Variants in E2F2 observed in about 807,000 individuals in gnomAD.
The protein encoded by E2F2 is E2F transcription factor 2.
A neutral mutation model predicts 42.2 loss-of-function variants in E2F2; 22 were observed. The ratio of observed to expected loss-of-function variants is 0.52; its 90% CI spans 0.37 to 0.74. The LOEUF is 0.74. Among genes scored for constraint, E2F2 ranks in the 30% least tolerant of loss-of-function variants. The pLI is 0.00. For synonymous variants in E2F2, 248 were observed against 251.6 expected (o/e 0.99, Z 0.13); for missense variants, 481 against 557.8 (o/e 0.86, Z 1.39).
rs778116310 is a variant in E2F2 at position 23,520,949 on chromosome 1, C to T, written c.701G>A (p.Ser234Asn). ...CTTGTCCTCAGTCAGGTGCTTGAAG[C>T]TCAGAGAGCAGCTCTGGATGAGCTG... ...LDQLIQSCSL[S>N]FKHLTEDKAN... Residue 234 changes from serine (S) to asparagine (N), a missense_variant, in exon 4 of 7, where the codon AGC (serine) becomes AAC (asparagine). Physicochemically the swap from Ser to Asn is conservative, Grantham distance 46 (BLOSUM62 1). Transcript: ENST00000361729. 1 of 1,609,014 alleles carries T rather than the reference C, an allele frequency of 6.2e-7. No homozygotes were observed. The highest frequency in any genetic ancestry group is 8.5e-7 in the Non-Finnish European group (1 of 1,177,650).
In E2F2 at chr1:23,520,898, A is replaced by C; in HGVS notation, c.737+15T>G. On this transcript the variant is annotated intron_variant, in intron 4 of 6. Coordinates refer to ENST00000361729, the MANE Select transcript of E2F2 (RefSeq NM_004091.4). ...TTCCTGCTCCCTGACACCTTCCCCC[A>C]ACCAAGGAGGATATCTCTTGTTGGC... 1 of 1,550,786 alleles carries C rather than the reference A, an allele frequency of 6.4e-7. No individual in the cohort carries two copies. Among genetic ancestry groups the C allele is most frequent in the East Asian group, 2.4e-5 (1 of 40,986 alleles).
chr1:23,527,776 G>A (rs1377987603), intron 1 of E2F2, among the ~76,000 whole-genome samples: 1 of 152,216 alleles, frequency 6.6e-6, no homozygotes, highest in East Asian at 1.9e-4. Flanking sequence ...GACCTGCCTT[G>A]TAGAGTTGTG....
rs776779459 is a variant in E2F2 at position 23,521,826 on chromosome 1, C to T, written c.578+11G>A. On this transcript the variant is annotated intron_variant, in intron 3 of 6. Coordinates refer to ENST00000361729, the MANE Select transcript of E2F2 (RefSeq NM_004091.4). ...CCATTGGAGGGTACCACTGGCCGCC[C>T]AGGCACTCACACCCACTGGATGTTG... The T allele has an allele frequency of 7.4e-6, 12 of 1,613,372 alleles. No homozygotes were observed. The highest frequency in any genetic ancestry group is 8.5e-6 in the Non-Finnish European group (10 of 1,179,926).
intron 1 of E2F2, among the ~76,000 whole-genome samples, chr1:23,529,289 A>G (rs1643299446): frequency 6.6e-6 from 1 of 152,212 alleles, no homozygotes; most frequent in Admixed American, 6.5e-5. Flanking sequence ...AAATGGGGAT[A>G]ATACCATTCC....
chr1:23,524,098 C>CAAAA (rs1243545997), intron 2 of E2F2, among the ~76,000 whole-genome samples: 33 of 128,648 alleles, frequency 2.6e-4, no homozygotes, highest in African/African-American at 1.0e-3. Flanking sequence ...ACAACAACAA[C>CAAAA]AACAACAAAA....
Position 23,530,988 on chromosome 1 carries a change from C to T in E2F2, c.-195G>A. 1 of 576,250 alleles carries T rather than the reference C, an allele frequency of 1.7e-6. No individual in the cohort carries two copies. The allele number at this position is 576,250 out of a possible 1,614,324, so 35.7% of individuals were successfully genotyped here. On this transcript the variant is annotated 5_prime_UTR_variant, in exon 1 of 7. Coordinates refer to ENST00000361729, the MANE Select transcript of E2F2 (RefSeq NM_004091.4). This position sits in a 1 kb window ranked among gnomAD's most constrained non-coding sequence, Gnocchi z 4.4. Reference sequence around the variant, plus strand: ...AGCAGAGAGCAGCGCTTAGAGATCGCCGCTTGGAGATCGCCCGGCGGCTGC... The same window carrying T: ...AGCAGAGAGCAGCGCTTAGAGATCGTCGCTTGGAGATCGCCCGGCGGCTGC...
rs368389729 is a variant in E2F2, at chr1:23,527,177, C to A, written c.253-2689G>T. The stretch of plus-strand genomic sequence containing the variant: ...GACGTCAAGTCACCTATAAAATGGG[C>A]ATCATTGTCTCCACCTATGCTGAGG... On this transcript the variant is annotated intron_variant, in intron 1 of 6. Transcript: ENST00000361729. 1.2e-4 allele frequency among the ~76,000 whole-genome samples: 19 copies of A among 152,350 alleles called. No individual in the cohort carries two copies. In the South Asian group the frequency reaches 3.9e-3, roughly 32 times the overall value.
rs1456711023 is a variant in E2F2 at position 23,510,030 on chromosome 1, C to G, written c.1164G>C (p.Gln388His). Reference sequence around the variant, plus strand: ...TGCACGCCAGGGTCGGGGACAGGAACTGGTCCTCAGTCTGCTGCAGGAGTG... The same window carrying G: ...TGCACGCCAGGGTCGGGGACAGGAAGTGGTCCTCAGTCTGCTGCAGGAGTG... Reference protein sequence around the residue: ...PHPLLQQTEDQFLSPTLACSS... With the variant: ...PHPLLQQTEDHFLSPTLACSS... Residue 388 changes from glutamine (Q) to histidine (H), a missense_variant, in exon 7 of 7, where the codon CAG becomes CAC. By Grantham distance (24) the Gln-to-His change is conservative. Transcript: ENST00000361729. 1 of 1,613,430 alleles carries G rather than the reference C, an allele frequency of 6.2e-7. No homozygotes were observed. Among genetic ancestry groups the G allele is most frequent in the East Asian group, 2.2e-5 (1 of 44,866 alleles).
In E2F2 at chr1:23,530,437, C is replaced by T. The variant is rs1414668253; in HGVS notation, c.252+105G>A. Reference sequence around the variant, plus strand: ...AAACTGAAAGCTCATCTTCCCTCTTCCCAAAACTCTACCTGCTCCACTCAA... The same window carrying T: ...AAACTGAAAGCTCATCTTCCCTCTTTCCAAAACTCTACCTGCTCCACTCAA... On this transcript the variant is annotated intron_variant, in intron 1 of 6. Coordinates refer to ENST00000361729, the MANE Select transcript of E2F2 (RefSeq NM_004091.4). The surrounding 1 kb of genome is among the most constrained non-coding windows in gnomAD (Gnocchi z 4.4). 2.0e-6 allele frequency: 3 copies of T among 1,465,230 alleles called. No individual in the cohort carries two copies. Among genetic ancestry groups the T allele is most frequent in the Non-Finnish European group, 2.7e-6 (3 of 1,101,760 alleles). The allele number at this position is 1,465,230 out of a possible 1,614,324, so 90.8% of individuals were successfully genotyped here.
chr1:23,527,155 G>A (rs559292979), intron 1 of E2F2, among the ~76,000 whole-genome samples: 3 of 152,328 alleles, frequency 2.0e-5, no homozygotes, highest in Non-Finnish European at 2.9e-5. Flanking sequence ...ATCAGTTGAC[G>A]TCAAGTCACC....
At chr1:23,518,815 G>T (rs560489899) in intron 5 of E2F2, among the ~76,000 whole-genome samples, 1 of 152,282 alleles carries the variant, frequency 6.6e-6, no homozygotes, top group East Asian at 1.9e-4. Context: ...ATTTTCTCAG[G>T]CCACTACTCA....
At chr1:23,521,479 T>C (rs2038026) in intron 3 of E2F2, 479,288 of 920,448 alleles carry the variant, frequency 0.52, 129,964 homozygotes, top group East Asian at 0.84. Context: ...TCCCCCTACT[T>C]AGCTCCCAGG....
intron 6 of E2F2, among the ~76,000 whole-genome samples, chr1:23,515,845 C>T (rs145207541): frequency 5.9e-5 from 9 of 152,212 alleles, no homozygotes; most frequent in African/African-American, 1.9e-4. Flanking sequence ...GGACTACAGG[C>T]GTGTGCCACC....
chr1:23,517,016 A>G (rs1179928862), intron 5 of E2F2, among the ~76,000 whole-genome samples: 2 of 152,168 alleles, frequency 1.3e-5, no homozygotes, highest in Non-Finnish European at 2.9e-5. Flanking sequence ...TACCACCACA[A>G]GGAGAGAGCC....
Position 23,509,860 on chromosome 1 carries a change from C to T in E2F2, c.*20G>A, listed in dbSNP as rs1642872676. The T allele has an allele frequency of 1.3e-6, 2 of 1,521,978 alleles. No individual in the cohort carries two copies. The highest frequency in any genetic ancestry group is 2.8e-5 in the African/African-American group (2 of 72,104). The allele number at this position is 1,521,978 out of a possible 1,614,324, so 94.3% of individuals were successfully genotyped here. A position where few individuals can be genotyped will look rare whatever the true frequency, so the allele number is the denominator to read the frequency against. ...AGGAGGTAGAGTCGGGGGCAGGCTG[C>T]TGGGGGCAGGCAGGGCCACTCAATT... On this transcript the variant is annotated 3_prime_UTR_variant, in exon 7 of 7. Transcript: ENST00000361729.
In E2F2 at chr1:23,508,000, C is replaced by G. The variant is rs1251499640; in HGVS notation, c.*1880G>C. The stretch of plus-strand genomic sequence containing the variant: ...CAGCCCACTCACCACAAACGAGATC[C>G]TACACAGGGTCCCTGAGCATGCTGG... On this transcript the variant is annotated 3_prime_UTR_variant, in exon 7 of 7. Transcript: ENST00000361729. The G allele has an allele frequency of 3.3e-5, 5 of 152,080 alleles. No individual in the cohort carries two copies. The highest frequency in any genetic ancestry group is 4.8e-5 in the African/African-American group (2 of 41,370). 9.4% of individuals were successfully genotyped at this position (152,080 alleles called of 1,614,324 possible). A position where few individuals can be genotyped will look rare whatever the true frequency, so the allele number is the denominator to read the frequency against.
Position 23,515,911 on chromosome 1 carries a change from G to A in E2F2, c.1045+424C>T, listed in dbSNP as rs180770523. Among the ~76,000 whole-genome samples the A allele has an allele frequency of 8.1e-4, 123 of 151,444 alleles. 2 individuals are homozygous for A. Among genetic ancestry groups the A allele is most frequent in the Middle Eastern group, 6.9e-3 (2 of 290 alleles). On this transcript the variant is annotated intron_variant, in intron 6 of 6. Transcript: ENST00000361729. ...GAGACAGGGTATCCCTATGTTGCCC[G>A]GGCTGCTCTTGAACTCCTGGTCTCA...
chr1:23,505,705 G>C (rs1642784654), downstream of E2F2, among the ~76,000 whole-genome samples: 1 of 152,130 alleles, frequency 6.6e-6, no homozygotes, highest in Non-Finnish European at 1.5e-5. Flanking sequence ...AGTAGAGACG[G>C]GGTTTCACTG....
downstream of E2F2, among the ~76,000 whole-genome samples, chr1:23,505,551 T>C (rs1642781913): frequency 6.6e-6 from 1 of 152,286 alleles, no homozygotes; most frequent in South Asian, 2.1e-4. Flanking sequence ...CTCGCTCTGT[T>C]GCCCAGGCTG....
Sources: allele counts gnomAD v4.1 joint callset (sites outside exome capture counted in the v4.1 genomes callset), GRCh38; gene constraint gnomAD v4.1.1; non-coding constraint Gnocchi (gnomAD v3.1); transcripts MANE v1.5; gene names NCBI Gene and HGNC (gene_info 2026-07-23, HGNC 2026-07-21).